CCDC6: variants seen among roughly 807,000 people sequenced by gnomAD.
The protein encoded by CCDC6 is coiled-coil domain containing 6.
CCDC6 carries 20 observed loss-of-function variants against 56.6 expected under a neutral mutation model. The ratio of observed to expected loss-of-function variants is 0.35; its 90% CI spans 0.25 to 0.51. The LOEUF is 0.51. CCDC6 is among the 20% of genes least tolerant of loss of function. The pLI, the probability that CCDC6 is intolerant of heterozygous loss-of-function variation, is 0.95. For synonymous variants in CCDC6, 241 were observed against 234.4 expected, an observed-to-expected ratio of 1.03 and a Z score of -0.26; for missense variants, 367 against 601.1, an observed-to-expected ratio of 0.61 and a Z score of 4.07.
intron 3 of CCDC6, among the ~76,000 whole-genome samples, chr10:59,828,213 G>A (rs1028677831): frequency 2.0e-5 from 3 of 152,124 alleles, no homozygotes; most frequent in South Asian, 4.1e-4. Flanking sequence ...TAGTGACCAC[G>A]TTTGAAGAAA....
intron 2 of CCDC6, among the ~76,000 whole-genome samples, chr10:59,850,657 C>T (rs1408382727): frequency 6.6e-6 from 1 of 152,072 alleles, no homozygotes; most frequent in Non-Finnish European, 1.5e-5. Flanking sequence ...TTAGAAAGAT[C>T]CACTATCCAC....
chr10:59,853,845 T>C (rs940429158), intron 1 of CCDC6, among the ~76,000 whole-genome samples: 6 of 152,194 alleles, frequency 3.9e-5, no homozygotes, highest in African/African-American at 1.4e-4. Context: ...AATATTCTTC[T>C]GTAGATACCC....
chr10:59,838,289 G>A (rs980062609), intron 2 of CCDC6, among the ~76,000 whole-genome samples: 2 of 152,008 alleles, frequency 1.3e-5, no homozygotes, highest in Admixed American at 1.3e-4. Flanking sequence ...TCTGGTTCAG[G>A]CCTTTTATTC....
chr10:59,877,612 A>T (rs2071295519), intron 1 of CCDC6, among the ~76,000 whole-genome samples: 2 of 152,216 alleles, frequency 1.3e-5, no homozygotes, highest in Admixed American at 1.3e-4. Context: ...GTGGAGCAAG[A>T]GAGACAGTGG....
intron 2 of CCDC6, among the ~76,000 whole-genome samples, chr10:59,851,081 G>T (rs2071034565): frequency 7.8e-6 from 1 of 127,628 alleles, no homozygotes; most frequent in Admixed American, 9.7e-5. Context: ...GGTCTTGACT[G>T]TCCTATAATG....
chr10:59,802,036 A>AT (rs1185866071), intron 7 of CCDC6, among the ~76,000 whole-genome samples: 1 of 152,114 alleles, frequency 6.6e-6, no homozygotes, highest in East Asian at 1.9e-4. Context: ...GTGCAGACCT[A>AT]TTTTTTAGAC....
chr10:59,864,538 C>G lies in CCDC6; in HGVS notation c.304-11836G>C, dbSNP rs77652272. On this transcript the variant is annotated intron_variant, in intron 1 of 8. Coordinates refer to ENST00000263102, the MANE Select transcript of CCDC6 (RefSeq NM_005436.5). ...GATTGTTCTGCGGGGTGTAGGAGGG[C>G]AAGATAGGATCCCTGCCAGAGTATT... Among the ~76,000 whole-genome samples the G allele has an allele frequency of 2.3e-3, 352 of 152,228 alleles. 2 individuals carry two copies. Among genetic ancestry groups the G allele is most frequent in the African/African-American group, 8.0e-3 (334 of 41,546 alleles).
chr10:59,796,354 T>C (rs1017841431), intron 7 of CCDC6, among the ~76,000 whole-genome samples: 5 of 150,130 alleles, frequency 3.3e-5, no homozygotes, highest in African/African-American at 1.2e-4. Context: ...TTTGAGTTCA[T>C]TGTAGATTCT....
At chr10:59,868,950 G>A (rs1300393757) in intron 1 of CCDC6, among the ~76,000 whole-genome samples, 2 of 148,622 alleles carry the variant, frequency 1.3e-5, no homozygotes, top group East Asian at 1.9e-4. Flanking sequence ...TTTGCTTTGC[G>A]GCCTTTTGTT....
intron 1 of CCDC6, among the ~76,000 whole-genome samples, chr10:59,901,207 G>T (rs1165034490): frequency 1.3e-5 from 2 of 152,180 alleles, no homozygotes; most frequent in African/African-American, 4.8e-5. Context: ...AGACCTAACT[G>T]TGAGGTCATA....
intron 1 of CCDC6, among the ~76,000 whole-genome samples, chr10:59,902,299 G>C (rs947771058): frequency 7.9e-5 from 12 of 151,694 alleles, no homozygotes; most frequent in African/African-American, 2.9e-4. Context: ...GCTTTAAAAA[G>C]GGCATAACAG....
chr10:59,872,779 T>TG (rs376133397), intron 1 of CCDC6, among the ~76,000 whole-genome samples: 1 of 57,216 alleles, frequency 1.7e-5, no homozygotes, highest in Admixed American at 2.1e-4. Flanking sequence ...ACTTTCCAGA[T>TG]GGGGGGGTGG....
At chr10:59,859,752 G>A (rs1316739353) in intron 1 of CCDC6, among the ~76,000 whole-genome samples, 1 of 152,106 alleles carries the variant, frequency 6.6e-6, no homozygotes, top group Non-Finnish European at 1.5e-5. Flanking sequence ...AAGAGTAACT[G>A]AAGACGATGG....
intron 1 of CCDC6, among the ~76,000 whole-genome samples, chr10:59,876,186 T>C (rs566372760): frequency 1.3e-5 from 2 of 151,184 alleles, no homozygotes; most frequent in South Asian, 4.2e-4. Flanking sequence ...GTAGCTGGTA[T>C]TAAAGGCATG....
intron 2 of CCDC6, among the ~76,000 whole-genome samples, chr10:59,832,923 AT>A (rs1378705908): frequency 1.3e-5 from 2 of 152,222 alleles, no homozygotes; most frequent in African/African-American, 4.8e-5. Flanking sequence ...ATACAAATAA[AT>A]TTTTAAAAAA....
intron 1 of CCDC6, among the ~76,000 whole-genome samples, chr10:59,888,223 T>C (rs758631974): frequency 7.9e-5 from 12 of 152,312 alleles, no homozygotes; most frequent in Non-Finnish European, 1.2e-4. Context: ...CTGGAAGCCA[T>C]AGATGCCAGT....
intron 1 of CCDC6, among the ~76,000 whole-genome samples, chr10:59,859,488 G>T (rs1440810578): frequency 6.6e-6 from 1 of 152,098 alleles, no homozygotes; most frequent in African/African-American, 2.4e-5. Context: ...GATCAGGCAG[G>T]TTTGAAAAGA....
chr10:59,857,124 G>A (rs973548991), intron 1 of CCDC6, among the ~76,000 whole-genome samples: 10 of 152,078 alleles, frequency 6.6e-5, no homozygotes, highest in East Asian at 3.9e-4. Flanking sequence ...ACCACAAAGC[G>A]TCTCTTCATC....
rs1564756260 is a variant in CCDC6 at position 59,882,614 on chromosome 10, C to CCAGGGAGAAGGAAAGCCG, written c.303+23507_303+23508insCGGCTTTCCTTCTCCCTG. ...GCGGGGAGAAGGAAAGGAAAGCCGG[C>CCAGGGAGAAGGAAAGCCG]GGGAGAAGGAAAGCCAGGGAGAAGT... On this transcript the variant is annotated intron_variant, in intron 1 of 8. Transcript: ENST00000263102. 1.1e-4 allele frequency among the ~76,000 whole-genome samples: 3 copies of CCAGGGAGAAGGAAAGCCG among 28,456 alleles called. 1 individual carries two copies. Among genetic ancestry groups the CCAGGGAGAAGGAAAGCCG allele is most frequent in the Admixed American group, 8.6e-4 (2 of 2,318 alleles). The allele number at this position is 28,456 out of a possible 152,430, so 18.7% of individuals were successfully genotyped here.
Sources: gnomAD v4.1 joint callset for allele counts (sites outside exome capture counted in the v4.1 genomes callset) on GRCh38, gnomAD v4.1.1 for gene constraint, MANE v1.5 for transcripts, NCBI Gene and HGNC (gene_info 2026-07-23, HGNC 2026-07-21) for gene names.